The following RBMS3 variants were observed in gnomAD, a reference collection of about 807,000 sequenced individuals.
The protein encoded by RBMS3 is RNA-binding motif, single-stranded-interacting protein 3.
A neutral mutation model predicts 66.8 loss-of-function variants in RBMS3; 27 were observed. The observed-to-expected ratio is 0.40, with a 90% CI of 0.30 to 0.56. RBMS3 has a LOEUF of 0.56. Ranked by LOEUF, RBMS3 falls within the 20% of genes least tolerant of loss-of-function variation. The pLI is 0.40. For missense variants in RBMS3, 513 were observed against 549.5 expected (o/e 0.93, Z 0.66); for synonymous variants, 188 against 183.0 (o/e 1.03, Z -0.22).
intron 4 of RBMS3, among the ~76,000 whole-genome samples, chr3:29,716,893 A>C: frequency 7.7e-6 from 1 of 130,480 alleles, no homozygotes; most frequent in East Asian, 2.2e-4. Context: ...TAAGTCAGCT[A>C]GTTATAATCA....
intron 2 of RBMS3, among the ~76,000 whole-genome samples, chr3:29,455,138 G>A (rs1041456521): frequency 2.0e-5 from 3 of 152,038 alleles, no homozygotes; most frequent in Admixed American, 1.3e-4. Context: ...AATTTTTGCA[G>A]GATCGTTCGC....
intron 1 of RBMS3, among the ~76,000 whole-genome samples, chr3:29,317,319 T>C (rs2034740815): frequency 6.6e-6 from 1 of 151,814 alleles, no homozygotes; most frequent in Non-Finnish European, 1.5e-5. Flanking sequence ...ATTTTTTCTA[T>C]GTCCAGATAG....
intron 5 of RBMS3, among the ~76,000 whole-genome samples, chr3:29,747,950 G>T (rs1305781030): frequency 4.6e-5 from 2 of 43,956 alleles, no homozygotes; most frequent in Non-Finnish European, 8.9e-5. Context: ...TAGGTAATTT[G>T]TCTGCCTGCT....
intron 6 of RBMS3, among the ~76,000 whole-genome samples, chr3:29,816,351 T>C (rs982155539): frequency 1.4e-5 from 2 of 138,272 alleles, no homozygotes; most frequent in Non-Finnish European, 3.3e-5. Flanking sequence ...CACACACACA[T>C]TTCACTGGAC....
intron 1 of RBMS3, among the ~76,000 whole-genome samples, chr3:29,324,887 T>TC (rs1421743719): frequency 6.6e-6 from 1 of 152,140 alleles, no homozygotes; most frequent in Non-Finnish European, 1.5e-5. Flanking sequence ...GTTTTCCTTT[T>TC]CCCCACTGTT....
chr3:29,289,623 G>A (rs919340161), intron 1 of RBMS3, among the ~76,000 whole-genome samples: 1 of 151,792 alleles, frequency 6.6e-6, no homozygotes, highest in Non-Finnish European at 1.5e-5. Context: ...AATGGAACCC[G>A]GAATTTTGTT....
intron 4 of RBMS3, among the ~76,000 whole-genome samples, chr3:29,598,746 G>C (rs139092179): frequency 0.012 from 1,777 of 152,042 alleles, 17 homozygotes; most frequent in South Asian, 0.017. Context: ...CATCAGATCA[G>C]AGTCTCTAAG....
intron 1 of RBMS3, among the ~76,000 whole-genome samples, chr3:29,344,664 A>AT (rs2036471567): frequency 6.6e-6 from 1 of 152,046 alleles, no homozygotes; most frequent in Non-Finnish European, 1.5e-5. Flanking sequence ...TTTTTTGTAT[A>AT]TATTTACCAG....
chr3:29,930,612 G>T (rs187424578), intron 10 of RBMS3, among the ~76,000 whole-genome samples: 1 of 152,014 alleles, frequency 6.6e-6, no homozygotes, highest in Admixed American at 6.5e-5. Flanking sequence ...CTACCCCCTA[G>T]GTGCTAATAG....
chr3:29,838,464 G>C (rs9853437), intron 6 of RBMS3, among the ~76,000 whole-genome samples: 1 of 151,956 alleles, frequency 6.6e-6, no homozygotes, highest in Non-Finnish European at 1.5e-5. Context: ...TCAATGTTAT[G>C]TTAATTTCGG....
Position 29,404,530 on chromosome 3 carries a change from T to C in RBMS3, c.76-30213T>C, listed in dbSNP as rs1247484517. Among the ~76,000 whole-genome samples the C allele has an allele frequency of 2.0e-5, 3 of 152,126 alleles. No individual in the cohort carries two copies. In the East Asian group the frequency reaches 5.8e-4, roughly 29 times the overall value. ...TTTAGCTGAGAGTTTATAGGCTATA[T>C]TTCTGTAGGATTTTCCCTTAATTGC... On this transcript the variant is annotated intron_variant, in intron 1 of 14. Transcript: ENST00000383767.
At chr3:29,372,258 T>A (rs2038244812) in intron 1 of RBMS3, among the ~76,000 whole-genome samples, 1 of 151,878 alleles carries the variant, frequency 6.6e-6, no homozygotes, top group Non-Finnish European at 1.5e-5. Context: ...TGAACCCGGG[T>A]CGTGGAGGCT....
At chr3:29,370,654 G>T (rs752358235) in intron 1 of RBMS3, among the ~76,000 whole-genome samples, 1 of 152,122 alleles carries the variant, frequency 6.6e-6, no homozygotes, top group African/African-American at 2.4e-5. Flanking sequence ...AAATCAACAA[G>T]GTTGCCTGGA....
chr3:29,922,539 C>T (rs2060819137), intron 10 of RBMS3, among the ~76,000 whole-genome samples: 1 of 150,596 alleles, frequency 6.6e-6, no homozygotes, highest in South Asian at 2.1e-4. Flanking sequence ...ACTCAGCATT[C>T]GTGAATGGAT....
chr3:29,735,001 G>C (rs2054316127), intron 4 of RBMS3, among the ~76,000 whole-genome samples: 1 of 152,058 alleles, frequency 6.6e-6, no homozygotes, highest in Non-Finnish European at 1.5e-5. Flanking sequence ...GCATTTAAAT[G>C]TCATTCCATC....
At chr3:29,927,065 C>T (rs547770359) in intron 10 of RBMS3, 14 of 152,274 alleles carry the variant, frequency 9.2e-5, no homozygotes, top group African/African-American at 2.6e-4. Context: ...GAAATCATGT[C>T]GTGAACTCCA....
chr3:29,484,726 C>T (rs2043258946), intron 2 of RBMS3, among the ~76,000 whole-genome samples: 1 of 152,172 alleles, frequency 6.6e-6, no homozygotes, highest in African/African-American at 2.4e-5. Flanking sequence ...AGCCCTACAA[C>T]ATTCCAACTG....
chr3:29,477,617 T>C (rs777294024), intron 2 of RBMS3, among the ~76,000 whole-genome samples: 1 of 152,036 alleles, frequency 6.6e-6, no homozygotes, highest in Non-Finnish European at 1.5e-5. Flanking sequence ...TTGCCATCTC[T>C]AATAATAAAG....
chr3:29,284,908 G>A (rs1204410920), intron 1 of RBMS3, among the ~76,000 whole-genome samples: 2 of 137,600 alleles, frequency 1.5e-5, no homozygotes, highest in African/African-American at 5.4e-5. Flanking sequence ...TTTCAAGGAG[G>A]AACATTACTT....
Sources: allele counts gnomAD v4.1 joint callset (sites outside exome capture counted in the v4.1 genomes callset), GRCh38; gene constraint gnomAD v4.1.1; transcripts MANE v1.5; gene names NCBI Gene and HGNC (gene_info 2026-07-23, HGNC 2026-07-21).